Variants in ST3GAL6 observed in about 807,000 individuals in gnomAD.
ST3GAL6 encodes the protein ST3 beta-galactoside alpha-2,3-sialyltransferase 6.
In ST3GAL6, 31 loss-of-function variants were observed where a neutral mutation model predicts 40.5. That is an observed-to-expected ratio of 0.77 (90% CI 0.58 to 1.03). ST3GAL6 has a LOEUF of 1.03. Among genes scored for constraint, ST3GAL6 ranks in the 50% least tolerant of loss-of-function variants. ST3GAL6 has a pLI of 0.00. For missense variants in ST3GAL6, 357 were observed against 393.2 expected (o/e 0.91, Z 0.78); for synonymous variants, 129 against 136.9 (o/e 0.94, Z 0.40).
At chr3:98,780,059 G>T (rs942061535) in intron 5 of ST3GAL6, among the ~76,000 whole-genome samples, 11 of 152,222 alleles carry the variant, frequency 7.2e-5, no homozygotes, top group Admixed American at 3.9e-4. Context: ...GAAAGTCATT[G>T]TTCCACACAT....
intron 1 of ST3GAL6, among the ~76,000 whole-genome samples, chr3:98,753,990 T>C (rs188816602): frequency 6.6e-6 from 1 of 152,358 alleles, no homozygotes; most frequent in African/African-American, 2.4e-5. Context: ...TTAATGTTGT[T>C]TTCATGCCTG....
intron 5 of ST3GAL6, among the ~76,000 whole-genome samples, 158 bp from the exon 6 acceptor site, chr3:98,784,787 T>A (rs1940525845): frequency 6.6e-6 from 1 of 152,250 alleles, no homozygotes; most frequent in Non-Finnish European, 1.5e-5. Context: ...ATCTTGTATC[T>A]TTTTAATACA....
At chr3:98,736,771 T>TG (rs565545599) in intron 1 of ST3GAL6, among the ~76,000 whole-genome samples, 158 of 152,228 alleles carry the variant, frequency 1.0e-3, no homozygotes, top group African/African-American at 3.7e-3. Context: ...TTATGTTTTA[T>TG]GGGGGGCAGA....
intron 5 of ST3GAL6, chr3:98,783,176 A>C (rs1202820001): frequency 1.7e-5 from 3 of 176,798 alleles, no homozygotes; most frequent in Non-Finnish European, 3.6e-5. Context: ...CGATGTGGTC[A>C]TCATGTTCCC....
chr3:98,792,689 T>G (rs1941310836), intron 9 of ST3GAL6, among the ~76,000 whole-genome samples: 1 of 150,130 alleles, frequency 6.7e-6, no homozygotes. Flanking sequence ...TTTTTTTTTT[T>G]TTGTATTTTT....
chr3:98,768,195 A>G (rs1236621391), intron 1 of ST3GAL6, among the ~76,000 whole-genome samples: 1 of 152,232 alleles, frequency 6.6e-6, no homozygotes, highest in African/African-American at 2.4e-5. Flanking sequence ...AGACCGTGGA[A>G]CTGTTTATTG....
Position 98,791,850 on chromosome 3 carries a change from C to T in ST3GAL6, c.766C>T (p.His256Tyr), listed in dbSNP as rs780413810. ...KVFPKNQKPK[H>Y]PTTGIIAITL... The stretch of plus-strand genomic sequence containing the variant: ...TCATCCCCTCCCCCAGAAACCTAAA[C>T]ACCCAACAACAGGAATTATTGCCAT... Residue 256 changes from histidine (H) to tyrosine (Y), a missense_variant, in exon 9 of 10, where the codon CAC becomes TAC. By Grantham distance (83) the His-to-Tyr change is moderately conservative. Coordinates refer to ENST00000483910, the MANE Select transcript of ST3GAL6 (RefSeq NM_001323368.2). 6.2e-6 allele frequency: 10 copies of T among 1,605,718 alleles called. No homozygotes were observed. The African/African-American group carries it at 1.1e-4, about 17-fold the overall frequency.
At chr3:98,786,952 A>C (rs982349078) in intron 6 of ST3GAL6, among the ~76,000 whole-genome samples, 1 of 48,986 alleles carries the variant, frequency 2.0e-5, no homozygotes, top group African/African-American at 6.7e-5. Context: ...ATCATCTGGG[A>C]TAAGTGTGTG....
At chr3:98,773,734 C>T (rs984893535) in intron 4 of ST3GAL6, among the ~76,000 whole-genome samples, 186 bp from the exon 5 acceptor site, 10 of 151,946 alleles carry the variant, frequency 6.6e-5, no homozygotes, top group South Asian at 2.1e-4. Context: ...AGAGCATTTA[C>T]GATTTTGAAT....
At chr3:98,784,844 C>G (rs1305967647) in intron 5 of ST3GAL6, 101 bp from the exon 6 acceptor site, 7 of 870,482 alleles carry the variant, frequency 8.0e-6, no homozygotes, top group Non-Finnish European at 1.1e-5. Context: ...ACTTGCGCAA[C>G]AAGTGGAATT....
At chr3:98,741,400 G>A (rs1320836104) in intron 1 of ST3GAL6, among the ~76,000 whole-genome samples, 1 of 152,066 alleles carries the variant, frequency 6.6e-6, no homozygotes, top group Non-Finnish European at 1.5e-5. Flanking sequence ...ATATTGGGGA[G>A]TGGGAATGTT....
intron 5 of ST3GAL6, chr3:98,782,699 G>T: frequency 2.3e-6 from 1 of 443,476 alleles, no homozygotes. Flanking sequence ...TTCAAAAACT[G>T]CTGCCAGCAG....
chr3:98,751,253 T>C (rs866969503), intron 1 of ST3GAL6, among the ~76,000 whole-genome samples: 2 of 152,256 alleles, frequency 1.3e-5, no homozygotes, highest in South Asian at 4.1e-4. Flanking sequence ...AAAATTGTGA[T>C]GGATTCTTTA....
At chr3:98,764,764 G>C (rs1439025073) in intron 1 of ST3GAL6, among the ~76,000 whole-genome samples, 1 of 152,192 alleles carries the variant, frequency 6.6e-6, no homozygotes, top group Non-Finnish European at 1.5e-5. Flanking sequence ...TTTGCAAGGT[G>C]GTTGTCAGGA....
chr3:98,783,896 T>C (rs1286518220), intron 5 of ST3GAL6, among the ~76,000 whole-genome samples: 5 of 152,270 alleles, frequency 3.3e-5, no homozygotes, highest in African/African-American at 9.6e-5. Context: ...AAGGTAAATT[T>C]AATGAATATA....
intron 1 of ST3GAL6, among the ~76,000 whole-genome samples, chr3:98,748,672 G>C (rs541299095): frequency 6.6e-6 from 1 of 152,186 alleles, no homozygotes; most frequent in African/African-American, 2.4e-5. Flanking sequence ...TGCCATGTTG[G>C]CCAGGCTGGT....
At chr3:98,784,266 A>G (rs9815226) in intron 5 of ST3GAL6, among the ~76,000 whole-genome samples, 54,315 of 152,082 alleles carry the variant, frequency 0.36, 9,804 homozygotes, top group Non-Finnish European at 0.38. Flanking sequence ...GACCAGCAAC[A>G]CGAAGTTCCC....
At chr3:98,769,815 T>A (rs1938775431) in intron 2 of ST3GAL6, among the ~76,000 whole-genome samples, 1 of 68,530 alleles carries the variant, frequency 1.5e-5, no homozygotes, top group Admixed American at 1.9e-4. Flanking sequence ...ATCCTAAAAC[T>A]GTTTTCTATG....
intron 3 of ST3GAL6, 118 bp downstream of exon 3, chr3:98,771,074 A>G (rs780539935): frequency 3.7e-5 from 55 of 1,485,796 alleles, no homozygotes; most frequent in Non-Finnish European, 4.4e-5. Flanking sequence ...TGGACACCCC[A>G]TATTTAAGGA....
Sources: allele counts gnomAD v4.1 joint callset (sites outside exome capture counted in the v4.1 genomes callset), GRCh38; gene constraint gnomAD v4.1.1; transcripts MANE v1.5; gene names NCBI Gene and HGNC (gene_info 2026-07-23, HGNC 2026-07-21).